Variants in SLF1 observed in about 807,000 individuals in gnomAD.
The protein encoded by SLF1 is SMC5-SMC6 complex localization factor protein 1.
SLF1 carries 105 observed loss-of-function variants against 123.0 expected under a neutral mutation model. The observed-to-expected ratio is 0.85, with a 90% CI of 0.73 to 1.00. SLF1 has a LOEUF of 1.00. Ranked by LOEUF, SLF1 falls within the 50% of genes least tolerant of loss-of-function variation. The probability of loss-of-function intolerance (pLI) is 0.00; values close to 1 mark genes in which losing one functional copy is unlikely to be tolerated. For synonymous variants in SLF1, 434 were observed against 406.6 expected (o/e 1.07, Z -0.81); for missense variants, 1,239 against 1,223.0 (o/e 1.01, Z -0.20).
At chr5:94,620,138 C>G (rs545591194) in intron 1 of SLF1, 58 of 152,364 alleles carry the variant, frequency 3.8e-4, no homozygotes, top group African/African-American at 1.4e-3. Flanking sequence ...CCTCGGCCTC[C>G]CAAAGTGCTG....
In SLF1 at chr5:94,697,210, G is replaced by C. The variant is rs562989795; in HGVS notation, c.*1898G>C. The C allele has an allele frequency of 2.0e-5, 3 of 151,786 alleles. No individual in the cohort carries two copies. Among genetic ancestry groups the C allele is most frequent in the Admixed American group, 2.0e-4 (3 of 15,202 alleles). The allele number at this position is 151,786 out of a possible 1,614,324, so 9.4% of individuals were successfully genotyped here. On this transcript the variant is annotated 3_prime_UTR_variant, in exon 21 of 21. Transcript: ENST00000265140. ...CCTTTAAGAAGTTTTACACTTCTTC[G>C]AAAGTCCAACGTGGCAAACATAGGT... is the stretch of plus-strand genomic sequence containing the variant.
At chr5:94,675,021 A>G (rs1384381507) in intron 14 of SLF1, among the ~76,000 whole-genome samples, 2 of 152,220 alleles carry the variant, frequency 1.3e-5, no homozygotes, top group Non-Finnish European at 2.9e-5. Flanking sequence ...ACACTTTCTC[A>G]TGTTTCAAAT....
chr5:94,671,980 A>G (rs562506294), intron 14 of SLF1, among the ~76,000 whole-genome samples: 13 of 152,220 alleles, frequency 8.5e-5, no homozygotes, highest in Admixed American at 2.6e-4. Context: ...AATTTCTGCT[A>G]TCTGAAATTT....
chr5:94,626,659 A>G (rs1205656361), intron 1 of SLF1, among the ~76,000 whole-genome samples: 1 of 152,188 alleles, frequency 6.6e-6, no homozygotes, highest in Non-Finnish European at 1.5e-5. Flanking sequence ...TTTTTTCTGC[A>G]TCCTTCTGCA....
intron 12 of SLF1, among the ~76,000 whole-genome samples, chr5:94,669,949 A>G (rs1322262236): frequency 2.6e-5 from 4 of 151,778 alleles, no homozygotes; most frequent in African/African-American, 9.7e-5. Flanking sequence ...AGATCTATTT[A>G]TTAAGAATTA....
chr5:94,657,747 T>C (rs1310602231), intron 9 of SLF1, among the ~76,000 whole-genome samples: 1 of 152,088 alleles, frequency 6.6e-6, no homozygotes, highest in Admixed American at 6.5e-5. Flanking sequence ...ACATAGATAT[T>C]TAGAATTGTT....
chr5:94,662,585 C>G (rs1395565483), intron 10 of SLF1, among the ~76,000 whole-genome samples: 1 of 152,120 alleles, frequency 6.6e-6, no homozygotes, highest in Non-Finnish European at 1.5e-5. Context: ...AAAAACACAC[C>G]TTGTGCTTAT....
chr5:94,687,381 T>TG (rs1752562898), intron 16 of SLF1, among the ~76,000 whole-genome samples: 1 of 152,026 alleles, frequency 6.6e-6, no homozygotes, highest in Non-Finnish European at 1.5e-5. Context: ...CCAGGGGCAG[T>TG]GGGGGGAAGG....
At chr5:94,680,834 A>G (rs912723377) in intron 15 of SLF1, among the ~76,000 whole-genome samples, 1 of 152,222 alleles carries the variant, frequency 6.6e-6, no homozygotes, top group Non-Finnish European at 1.5e-5. Flanking sequence ...TTCACATGAC[A>G]TGTGTAAAAC....
intron 17 of SLF1, among the ~76,000 whole-genome samples, chr5:94,689,121 AGAATCAGAATAT>A (rs1752780087): frequency 6.6e-6 from 1 of 152,256 alleles, no homozygotes; most frequent in Non-Finnish European, 1.5e-5. Flanking sequence ...AGAAGAGAAT[AGAATCAGAATAT>A]GAAAGTAAGA....
At chr5:94,672,313 T>G (rs1750559215) in intron 14 of SLF1, among the ~76,000 whole-genome samples, 1 of 152,188 alleles carries the variant, frequency 6.6e-6, no homozygotes, top group African/African-American at 2.4e-5. Context: ...ACAAAAATGC[T>G]TATGTAGTTT....
chr5:94,619,508 G>C (rs79513122), intron 1 of SLF1, among the ~76,000 whole-genome samples: 1,796 of 152,220 alleles, frequency 0.012, 42 homozygotes, highest in African/African-American at 0.042. Flanking sequence ...AAAAAAATTG[G>C]TCCGTCTCGG....
Position 94,651,792 on chromosome 5 carries a change from T to C in SLF1, c.829T>C (p.Leu277=). 6.6e-7 allele frequency: 1 copy of C among 1,512,690 alleles called. No homozygotes were observed. The highest frequency in any genetic ancestry group is 8.9e-7 in the Non-Finnish European group (1 of 1,123,638). 93.7% of individuals were successfully genotyped at this position (1,512,690 alleles called of 1,614,324 possible). The part of the protein sequence containing the change: ...KEKFSGSSKD[L]KFVKMRNTFG... ...AAAATTCAGTGGTTCCAGTAAAGAT[T>C]TGAAATTTGTTAAAATGAGAAATAC... is the stretch of plus-strand genomic sequence containing the variant. The change falls in exon 7 of 21, where the codon TTG becomes CTG. Residue 277 remains leucine, a synonymous_variant. Coordinates refer to ENST00000265140, the MANE Select transcript of SLF1 (RefSeq NM_032290.4).
intron 4 of SLF1, among the ~76,000 whole-genome samples, chr5:94,631,465 C>A (rs1013485951): frequency 5.3e-5 from 8 of 152,178 alleles, no homozygotes; most frequent in African/African-American, 1.7e-4. Context: ...TCACTATAGA[C>A]TAGATGTATA....
chr5:94,684,686 A>T (rs191313611), intron 15 of SLF1, among the ~76,000 whole-genome samples: 1 of 128,504 alleles, frequency 7.8e-6, no homozygotes, highest in Non-Finnish European at 1.6e-5. Flanking sequence ...CAATAGAGCG[A>T]GACTCTGTCT....
intron 6 of SLF1, among the ~76,000 whole-genome samples, chr5:94,651,076 T>C (rs1422965404): frequency 6.6e-6 from 1 of 152,236 alleles, no homozygotes; most frequent in Non-Finnish European, 1.5e-5. Flanking sequence ...ACCATATTTT[T>C]ACTGTATCCT....
At chr5:94,665,747 C>T (rs148022996) in intron 11 of SLF1, 114 bp from the exon 12 acceptor site, 12 of 948,942 alleles carry the variant, frequency 1.3e-5, no homozygotes, top group African/African-American at 1.0e-4. Context: ...AGCCAGACTC[C>T]GTCTCAAAAA....
At chr5:94,668,769 C>CA (rs1750106379) in intron 12 of SLF1, among the ~76,000 whole-genome samples, 1 of 152,198 alleles carries the variant, frequency 6.6e-6, no homozygotes, top group Admixed American at 6.5e-5. Flanking sequence ...AATGGGCCAC[C>CA]ATGCTCAGCC....
chr5:94,695,161 A>G lies in SLF1; in HGVS notation c.3026A>G (p.Asp1009Gly). ...AGTGTTCATACTGACTGGTTACTGGATCTTTATGCTGGAAATATAAAGACA... is the reference window on the plus strand; with the variant it reads ...AGTGTTCATACTGACTGGTTACTGGGTCTTTATGCTGGAAATATAAAGACA... ...TTSVHTDWLL[D>G]LYAGNIKTLQ... Residue 1009 changes from aspartate to glycine, a missense_variant, in exon 21 of 21, where the codon GAT becomes GGT. Physicochemically the swap from Asp to Gly is moderately conservative, Grantham distance 94. Transcript: ENST00000265140. 1 of 1,612,822 alleles carries G rather than the reference A, an allele frequency of 6.2e-7. No homozygotes were observed. The highest frequency in any genetic ancestry group is 1.3e-5 in the African/African-American group (1 of 74,974).
Sources: gnomAD v4.1 joint callset for allele counts (sites outside exome capture counted in the v4.1 genomes callset) on GRCh38, gnomAD v4.1.1 for gene constraint, MANE v1.5 for transcripts, NCBI Gene and HGNC (gene_info 2026-07-23, HGNC 2026-07-21) for gene names.